The following PRKN variants were observed in gnomAD, a reference collection of about 807,000 sequenced individuals.
PRKN encodes parkin RBR E3 ubiquitin protein ligase, also known as E3 ubiquitin-protein ligase parkin.
Under a neutral mutation model 59.5 loss-of-function variants are expected in PRKN, and 56 were observed. The ratio of observed to expected loss-of-function variants is 0.94; its 90% CI spans 0.76 to 1.18. PRKN has a LOEUF of 1.18. PRKN is among the 50% of genes most tolerant of loss of function. PRKN has a pLI of 0.00. For missense variants in PRKN, 657 were observed against 596.4 expected (o/e 1.10, Z -1.06); for synonymous variants, 250 against 222.1 (o/e 1.13, Z -1.12).
At chr6:161,659,512 C>T (rs932669173) in intron 7 of PRKN, among the ~76,000 whole-genome samples, 1 of 152,102 alleles carries the variant, frequency 6.6e-6, no homozygotes, top group Non-Finnish European at 1.5e-5. Flanking sequence ...GCTGAGGATA[C>T]AGAGCAGTGC....
chr6:162,223,972 G>A (rs1056444876), intron 3 of PRKN, among the ~76,000 whole-genome samples: 4 of 152,096 alleles, frequency 2.6e-5, no homozygotes, highest in African/African-American at 2.4e-5. Flanking sequence ...GGCTGTGTTC[G>A]TGGTGTGGTG....
intron 1 of PRKN, among the ~76,000 whole-genome samples, chr6:162,725,060 GT>G (rs1240738235): frequency 6.6e-6 from 1 of 152,228 alleles, no homozygotes; most frequent in African/African-American, 2.4e-5. Context: ...TGTGAAGTGT[GT>G]ATAAAAGTCA....
intron 1 of PRKN, among the ~76,000 whole-genome samples, chr6:162,569,966 G>GA (rs947327183): frequency 7.2e-5 from 11 of 151,942 alleles, no homozygotes; most frequent in African/African-American, 2.2e-4. Flanking sequence ...AGCTAGCCCT[G>GA]AAAAAAAGGC....
intron 6 of PRKN, among the ~76,000 whole-genome samples, chr6:161,837,351 G>A (rs1583228016): frequency 6.6e-6 from 1 of 152,150 alleles, no homozygotes; most frequent in East Asian, 1.9e-4. Flanking sequence ...CCTAGATGGG[G>A]CTACTGTCCG....
At chr6:161,587,272 C>T (rs569818144) in intron 7 of PRKN, among the ~76,000 whole-genome samples, 8 of 152,148 alleles carry the variant, frequency 5.3e-5, no homozygotes, top group African/African-American at 1.4e-4. Context: ...AAAAGGAGAG[C>T]GATTCTTTAT....
chr6:162,213,800 A>C (rs150342731), intron 3 of PRKN, among the ~76,000 whole-genome samples: 143 of 125,760 alleles, frequency 1.1e-3, no homozygotes, highest in Non-Finnish European at 1.9e-3. Flanking sequence ...CCAAAAAAAA[A>C]CCATACACAC....
chr6:161,541,544 G>A (rs1779614289), intron 9 of PRKN, among the ~76,000 whole-genome samples: 1 of 152,196 alleles, frequency 6.6e-6, no homozygotes. Flanking sequence ...TTATTGGTCA[G>A]GTGCGGTGGC....
chr6:162,138,167 T>C (rs1299776388), intron 4 of PRKN, among the ~76,000 whole-genome samples: 1 of 152,148 alleles, frequency 6.6e-6, no homozygotes, highest in Non-Finnish European at 1.5e-5. Flanking sequence ...ACCTTGAATC[T>C]CTGGCTGAAT....
At chr6:162,018,558 A>C (rs73785320) in intron 5 of PRKN, among the ~76,000 whole-genome samples, 32,351 of 152,136 alleles carry the variant, frequency 0.21, 3,625 homozygotes, top group African/African-American at 0.29. Context: ...AAGCTCTCAT[A>C]ATCTTGACAG....
chr6:161,557,975 C>A (rs1780302411), intron 8 of PRKN, among the ~76,000 whole-genome samples: 1 of 152,164 alleles, frequency 6.6e-6, no homozygotes, highest in Non-Finnish European at 1.5e-5. Context: ...CGGGGACTCC[C>A]TCCCTGGGCT....
At chr6:161,800,255 G>A (rs1269634003) in intron 6 of PRKN, among the ~76,000 whole-genome samples, 1 of 152,120 alleles carries the variant, frequency 6.6e-6, no homozygotes, top group East Asian at 1.9e-4. Context: ...TAGACAATAT[G>A]TTTGGGGCAA....
chr6:162,038,094 T>A (rs762396773), intron 5 of PRKN, among the ~76,000 whole-genome samples: 3 of 151,658 alleles, frequency 2.0e-5, no homozygotes, highest in Non-Finnish European at 4.4e-5. Context: ...ATTATGACCA[T>A]GTTATTTTTT....
Position 162,395,157 on chromosome 6 carries a change from C to T in PRKN, c.171+48153G>A, listed in dbSNP as rs543579460. Among the ~76,000 whole-genome samples, 3 of 152,280 alleles carry T rather than the reference C, an allele frequency of 2.0e-5. No individual in the cohort carries two copies. The South Asian group carries it at 6.2e-4, about 32-fold the overall frequency. ...ACTCTGGGATAACTAGCCTTCAAGA[C>T]GTACCTCTTGGTAGTCATACTCTAG... On this transcript the variant is annotated intron_variant, in intron 2 of 11. Transcript: ENST00000366898.
At chr6:161,776,266 A>T (rs1488102095) in intron 7 of PRKN, among the ~76,000 whole-genome samples, 1 of 152,240 alleles carries the variant, frequency 6.6e-6, no homozygotes, top group Non-Finnish European at 1.5e-5. Flanking sequence ...GTGCTTCATC[A>T]TTTCAAAACA....
chr6:162,485,862 G>A (rs1305338764), intron 1 of PRKN, among the ~76,000 whole-genome samples: 1 of 152,162 alleles, frequency 6.6e-6, no homozygotes, highest in Non-Finnish European at 1.5e-5. Flanking sequence ...CAGTCTGGCT[G>A]GAGAACCTGA....
At chr6:162,026,398 C>T (rs1783436632) in intron 5 of PRKN, among the ~76,000 whole-genome samples, 2 of 152,190 alleles carry the variant, frequency 1.3e-5, no homozygotes, top group Non-Finnish European at 2.9e-5. Context: ...CTGGAAAGAA[C>T]CAGAATGTAG....
chr6:162,667,676 AC>A (rs1779152811), intron 1 of PRKN, among the ~76,000 whole-genome samples: 1 of 152,004 alleles, frequency 6.6e-6, no homozygotes, highest in African/African-American at 2.4e-5. Context: ...CACTTTTCTA[AC>A]AGAAAAATAT....
At chr6:162,280,904 A>G (rs1215125985) in intron 2 of PRKN, among the ~76,000 whole-genome samples, 1 of 152,108 alleles carries the variant, frequency 6.6e-6, no homozygotes, top group East Asian at 1.9e-4. Context: ...AAATCAATGA[A>G]TGCAGGAGCT....
chr6:161,821,993 C>T (rs1264133916), intron 6 of PRKN, among the ~76,000 whole-genome samples: 4 of 151,984 alleles, frequency 2.6e-5, no homozygotes, highest in African/African-American at 9.7e-5. Context: ...AGATGATCCA[C>T]CTGCCTGGCC....
Sources: allele counts gnomAD v4.1 joint callset (sites outside exome capture counted in the v4.1 genomes callset), GRCh38; gene constraint gnomAD v4.1.1; transcripts MANE v1.5; gene names NCBI Gene and HGNC (gene_info 2026-07-23, HGNC 2026-07-21).